SERGEF: variants seen among roughly 807,000 people sequenced by gnomAD.
SERGEF encodes the protein secretion regulating guanine nucleotide exchange factor, also known as secretion-regulating guanine nucleotide exchange factor.
A neutral mutation model predicts 50.0 loss-of-function variants in SERGEF; 51 were observed. The observed-to-expected ratio is 1.02, with a 90% confidence interval of 0.81 to 1.29. The LOEUF (loss-of-function observed/expected upper bound fraction) is 1.29. SERGEF is among the 50% of genes most tolerant of loss of function. The pLI is 0.00. For synonymous variants in SERGEF, 205 were observed against 212.4 expected, an observed-to-expected ratio of 0.97 and a Z score of 0.30; for missense variants, 521 against 557.0, an observed-to-expected ratio of 0.94 and a Z score of 0.65.
intron 9 of SERGEF, among the ~76,000 whole-genome samples, chr11:17,943,064 G>A (rs1029141447): frequency 2.0e-5 from 3 of 150,610 alleles, no homozygotes; most frequent in African/African-American, 7.3e-5. Context: ...TTTCTTTTTT[G>A]TAATGTCTTT....
intron 8 of SERGEF, among the ~76,000 whole-genome samples, chr11:17,976,626 T>G (rs1482596286): frequency 1.3e-5 from 2 of 152,046 alleles, no homozygotes; most frequent in Non-Finnish European, 2.9e-5. Context: ...AGAGCACCCA[T>G]GGGATAGGCA....
chr11:17,845,777 C>A (rs1054255660), intron 10 of SERGEF, among the ~76,000 whole-genome samples: 2 of 152,178 alleles, frequency 1.3e-5, no homozygotes, highest in African/African-American at 4.8e-5. Context: ...TCTCTCTTTT[C>A]TACTCATTTG....
At chr11:17,815,750 C>T (rs1176595216) in intron 10 of SERGEF, among the ~76,000 whole-genome samples, 3 of 147,270 alleles carry the variant, frequency 2.0e-5, no homozygotes, top group Non-Finnish European at 4.5e-5. Context: ...GGTGAAACCT[C>T]GTCCCTACTA....
At chr11:17,851,603 G>A (rs1850715309) in intron 10 of SERGEF, among the ~76,000 whole-genome samples, 2 of 152,120 alleles carry the variant, frequency 1.3e-5, no homozygotes, top group Admixed American at 1.3e-4. Context: ...GCTCCCCAAA[G>A]TCATGAAGTC....
At chr11:17,918,706 T>C in intron 9 of SERGEF, 1 of 454,654 alleles carries the variant, frequency 2.2e-6, no homozygotes. Context: ...TACTGGAAGT[T>C]CAGAGAATGA....
chr11:17,946,630 C>T (rs1461814079), intron 9 of SERGEF, among the ~76,000 whole-genome samples: 1 of 152,070 alleles, frequency 6.6e-6, no homozygotes, highest in Non-Finnish European at 1.5e-5. Flanking sequence ...CAGAACTGCT[C>T]CCAAAAGTCC....
chr11:17,945,341 G>A (rs534935202), intron 9 of SERGEF, among the ~76,000 whole-genome samples: 105 of 152,346 alleles, frequency 6.9e-4, no homozygotes, highest in African/African-American at 2.4e-3. Flanking sequence ...GAACATAGAA[G>A]AATCTATGCT....
Position 17,888,645 on chromosome 11 carries a change from ACACACACACACAC to A in SERGEF, c.1012-10414_1012-10402del, listed in dbSNP as rs1851476089. The stretch of plus-strand genomic sequence containing the variant: ...CACAGTTTTACACACACACACACAC[ACACACACACACAC>A]ACACACACACACACACACACGCATT... On this transcript the variant is annotated intron_variant, in intron 9 of 10. Transcript: ENST00000265965. This position sits in a 1 kb window ranked among gnomAD's most constrained non-coding sequence, Gnocchi z 4.1. Among the ~76,000 whole-genome samples the A allele has an allele frequency of 3.6e-5, 2 of 55,166 alleles. No homozygotes were observed. The highest frequency in any genetic ancestry group is 9.9e-5 in the African/African-American group (2 of 20,248). 36.2% of individuals were successfully genotyped at this position (55,166 alleles called of 152,430 possible).
intron 6 of SERGEF, among the ~76,000 whole-genome samples, chr11:17,995,326 C>T (rs211130): frequency 0.51 from 78,285 of 152,030 alleles, 21,197 homozygotes; most frequent in African/African-American, 0.7. Context: ...AGGCATGGTC[C>T]TCCTGGGTTC....
intron 9 of SERGEF, among the ~76,000 whole-genome samples, chr11:17,949,848 T>C (rs987666959): frequency 6.6e-6 from 1 of 152,198 alleles, no homozygotes; most frequent in Non-Finnish European, 1.5e-5. Flanking sequence ...AGAGGCATGT[T>C]TGTAAGACTA....
chr11:17,948,921 A>G (rs955741618), intron 9 of SERGEF, among the ~76,000 whole-genome samples: 1 of 152,234 alleles, frequency 6.6e-6, no homozygotes, highest in African/African-American at 2.4e-5. Flanking sequence ...TCCAGTAAAA[A>G]GAGCTCTCTT....
At chr11:17,899,854 G>A (rs1262662440) in intron 9 of SERGEF, among the ~76,000 whole-genome samples, 1 of 151,866 alleles carries the variant, frequency 6.6e-6, no homozygotes, top group African/African-American at 2.4e-5. Flanking sequence ...TACTCAGGAG[G>A]CTGAGGTGGG....
intron 10 of SERGEF, among the ~76,000 whole-genome samples, chr11:17,829,357 A>G (rs536703169): frequency 1.3e-5 from 2 of 152,338 alleles, no homozygotes; most frequent in African/African-American, 4.8e-5. Context: ...GAGGTTCTCC[A>G]TTTCTAATTA....
chr11:17,930,682 C>T (rs558639760), intron 9 of SERGEF, among the ~76,000 whole-genome samples: 1 of 152,204 alleles, frequency 6.6e-6, no homozygotes, highest in African/African-American at 2.4e-5. Context: ...CAACACAGCA[C>T]AACAGGAGGA....
Position 17,788,304 on chromosome 11 carries a change from T to A in SERGEF, c.1158A>T (p.Gly386=). ...GGCCAGCCCCACAGCCCACAAGGAG[T>A]CCTGACGATGACAGCAGAGCCTGCA... ...KPVQALLSSS[G]LLVGCGAGHS... Residue 386 remains glycine, a synonymous_variant, in exon 11 of 11, where the codon GGA becomes GGT. Transcript: ENST00000265965. 1 of 1,613,622 alleles carries A rather than the reference T, an allele frequency of 6.2e-7. No individual in the cohort carries two copies. Among genetic ancestry groups the A allele is most frequent in the Non-Finnish European group, 8.5e-7 (1 of 1,179,900 alleles).
chr11:17,827,738 G>A (rs1217125428), intron 10 of SERGEF, among the ~76,000 whole-genome samples: 1 of 152,174 alleles, frequency 6.6e-6, no homozygotes, highest in Non-Finnish European at 1.5e-5. Flanking sequence ...AAAGGTATTA[G>A]GCCAGAGTGA....
At chr11:17,943,941 T>G (rs1852606697) in intron 9 of SERGEF, among the ~76,000 whole-genome samples, 1 of 152,186 alleles carries the variant, frequency 6.6e-6, no homozygotes, top group Admixed American at 6.5e-5. Flanking sequence ...ATTTGTTTGT[T>G]TTTTGAGACA....
chr11:17,969,783 A>G (rs1590224680), intron 8 of SERGEF, among the ~76,000 whole-genome samples: 1 of 152,218 alleles, frequency 6.6e-6, no homozygotes, highest in African/African-American at 2.4e-5. Context: ...CTCCTTACAC[A>G]GTGAGCACAA....
Position 17,788,196 on chromosome 11 carries a change from G to A in SERGEF, c.1266C>T (p.Ile422=), listed in dbSNP as rs772299305. The A allele has an allele frequency of 6.8e-6, 11 of 1,607,020 alleles. No homozygotes were observed. The highest frequency in any genetic ancestry group is 1.3e-5 in the African/African-American group (1 of 74,810). ...TGGCTTTCTGAGATTCAGTGTCCTC[G>A]ATGGCATCTGGGGAAAGGTAGGTGA... The part of the protein sequence containing the change: ...PKVTYLSPDA[I]EDTESQKAMD... Residue 422 remains isoleucine (I), a synonymous_variant, in exon 11 of 11, where the codon ATC becomes ATT. Coordinates refer to ENST00000265965, the MANE Select transcript of SERGEF (RefSeq NM_012139.4).
Sources: gnomAD v4.1 joint callset for allele counts (sites outside exome capture counted in the v4.1 genomes callset) on GRCh38, gnomAD v4.1.1 for gene constraint, Gnocchi (gnomAD v3.1) non-coding constraint, MANE v1.5 for transcripts, NCBI Gene and HGNC (gene_info 2026-07-23, HGNC 2026-07-21) for gene names.